LAMP5: variants seen among roughly 807,000 people sequenced by gnomAD.
LAMP5 encodes the protein lysosome associated membrane protein 5, also known as lysosome-associated membrane glycoprotein 5.
In LAMP5, 36 loss-of-function variants were observed where a neutral mutation model predicts 30.2. That is an observed-to-expected ratio of 1.19 (90% CI 0.91 to 1.57). The LOEUF (loss-of-function observed/expected upper bound fraction) is 1.57. Ranked by LOEUF, LAMP5 falls within the 40% of genes most tolerant of loss-of-function variation. LAMP5 has a pLI of 0.00. For synonymous variants in LAMP5, 149 were observed against 134.6 expected (o/e 1.11, Z -0.74); for missense variants, 377 against 354.9 (o/e 1.06, Z -0.50).
At position 9,529,852 on chromosome 20, in the gene LAMP5, T is replaced by G; in HGVS notation, c.*32T>G. 2 of 1,604,230 alleles carry G rather than the reference T, an allele frequency of 1.2e-6. No individual in the cohort carries two copies. The highest frequency in any genetic ancestry group is 1.7e-6 in the Non-Finnish European group (2 of 1,172,160). On this transcript the variant is annotated 3_prime_UTR_variant, in exon 6 of 6. Transcript: ENST00000246070. ...TTAGGCAGGCACCCCCTATTCCTGC[T>G]CCCCCAACTGGATCAGGTAGAACAA...
intron 5 of LAMP5, among the ~76,000 whole-genome samples, chr20:9,523,110 G>A (rs931489410): frequency 6.6e-6 from 1 of 150,578 alleles, no homozygotes; most frequent in Non-Finnish European, 1.5e-5. Flanking sequence ...ACATCTTGAT[G>A]AGGGTATCAG....
rs577633191 is a variant in LAMP5, at chr20:9,514,787, T to A, written c.-66T>A. On this transcript the variant is annotated 5_prime_UTR_variant, in exon 1 of 6. In the 5' UTR this introduces an upstream ATG that the reference lacks. Transcript: ENST00000246070. ...ACCCCGGCCCACTCCAGCGGCGACT[T>A]TGAGGGATTCCCTCTCTGGCGGCCT... 5 of 1,513,282 alleles carry A rather than the reference T, an allele frequency of 3.3e-6. No individual in the cohort carries two copies. In the South Asian group the frequency reaches 4.5e-5, roughly 14 times the overall value. The allele number at this position is 1,513,282 out of a possible 1,614,324, so 93.7% of individuals were successfully genotyped here.
At chr20:9,523,826 T>C (rs2045094390) in intron 5 of LAMP5, among the ~76,000 whole-genome samples, 1 of 152,318 alleles carries the variant, frequency 6.6e-6, no homozygotes, top group Non-Finnish European at 1.5e-5. Context: ...CTGGCGGAAG[T>C]CAGAGGCCTT....
At position 9,526,845 on chromosome 20, in the gene LAMP5, C is replaced by T. The variant is rs868684363; in HGVS notation, c.665-2797C>T. On this transcript the variant is annotated intron_variant, in intron 5 of 5. Transcript: ENST00000246070. ...TATGTGTATTATATAGATACATATA[C>T]ATATGTGTGTGTGTGTATATATATA... 6.9e-3 allele frequency among the ~76,000 whole-genome samples: 585 copies of T among 84,900 alleles called. 3 individuals carry two copies. The highest frequency in any genetic ancestry group is 0.018 in the African/African-American group (464 of 25,678). 55.7% of individuals were successfully genotyped at this position (84,900 alleles called of 152,430 possible). A position where few individuals can be genotyped will look rare whatever the true frequency, so the allele number is the denominator to read the frequency against.
chr20:9,517,288 G>A (rs998545422), intron 4 of LAMP5, among the ~76,000 whole-genome samples: 1 of 152,190 alleles, frequency 6.6e-6, no homozygotes, highest in Admixed American at 6.5e-5. Flanking sequence ...CCTTCAGAGG[G>A]GATGTATGTG....
chr20:9,517,930 G>C, intron 4 of LAMP5, 110 bp from the exon 5 acceptor site: 1 of 889,472 alleles, frequency 1.1e-6, no homozygotes, highest in Non-Finnish European at 1.7e-6. Flanking sequence ...AGGGAACAGA[G>C]AGGACAGGAG....
chr20:9,516,466 C>A, intron 4 of LAMP5, 105 bp downstream of exon 4: 1 of 963,112 alleles, frequency 1.0e-6, no homozygotes, highest in Admixed American at 2.0e-5. Context: ...GCTTTGAGGT[C>A]CCAGGCCAAG....
intron 1 of LAMP5, among the ~76,000 whole-genome samples, 180 bp from the exon 2 acceptor site, chr20:9,515,273 A>G (rs1046681391): frequency 1.3e-5 from 2 of 152,236 alleles, no homozygotes; most frequent in African/African-American, 4.8e-5. Context: ...TTCATTATAA[A>G]TTAACAGCGA....
chr20:9,515,552 C>T lies in LAMP5; in HGVS notation c.164C>T (p.Thr55Met), dbSNP rs762267414. 1.9e-6 allele frequency: 3 copies of T among 1,614,160 alleles called. No homozygotes were observed. Among genetic ancestry groups the T allele is most frequent in the Admixed American group, 1.7e-5 (1 of 60,022 alleles). The stretch of plus-strand genomic sequence containing the variant: ...ATATTTGTGGTGCGGGAAAATGGGA[C>T]GACGTGTCTCATGGCAGAGTTTGCA... ...KDIFVVRENG[T>M]TCLMAEFAAK... The change falls in exon 2 of 6, where the codon ACG becomes ATG. Residue 55 changes from threonine (T) to methionine (M), a missense_variant. Thr to Met is a moderately conservative substitution (Grantham distance 81). Coordinates refer to ENST00000246070, the MANE Select transcript of LAMP5 (RefSeq NM_012261.4).
Position 9,524,544 on chromosome 20 carries a change from G to C in LAMP5, c.665-5098G>C, listed in dbSNP as rs1338453893. Among the ~76,000 whole-genome samples, 4 of 138,504 alleles carry C rather than the reference G, an allele frequency of 2.9e-5. No individual in the cohort carries two copies. In the Admixed American group the frequency reaches 3.1e-4, roughly 11 times the overall value. The allele number at this position is 138,504 out of a possible 152,430, so 90.9% of individuals were successfully genotyped here. ...TGTCTTAAGCCTGAAAGAGAAAAGC[G>C]TGCCCTGCTTTTATGGGTTCATAAT... On this transcript the variant is annotated intron_variant, in intron 5 of 5. Coordinates refer to ENST00000246070, the MANE Select transcript of LAMP5 (RefSeq NM_012261.4).
rs199852679 is a variant in LAMP5 at position 9,515,644 on chromosome 20, C to CG, written c.237+19_237+20insG. On this transcript the variant is annotated intron_variant, in intron 2 of 5. Coordinates refer to ENST00000246070, the MANE Select transcript of LAMP5 (RefSeq NM_012261.4). The stretch of plus-strand genomic sequence containing the variant: ...CGTAGATGTAAGGAATCTTTCCCCC[C>CG]CCTCAGCTTGCTCCTAGGGCTCCAG... 91 of 1,612,014 alleles carry CG rather than the reference C, an allele frequency of 5.6e-5. No individual in the cohort carries two copies. Among genetic ancestry groups the CG allele is most frequent in the Middle Eastern group, 5.0e-4 (3 of 6,042 alleles).
In LAMP5 at chr20:9,518,160, T is replaced by C. The variant is rs2045055523; in HGVS notation, c.596T>C (p.Val199Ala). ...GCCTCTAGTGATCCGCAGAAGACGG[T>C]CACCATGATCCTGTCTGCGGTCCAC... ...SLASSDPQKT[V>A]TMILSAVHIQ... The change falls in exon 5 of 6, where the codon GTC becomes GCC. Residue 199 changes from valine to alanine, a missense_variant. Coordinates refer to ENST00000246070, the MANE Select transcript of LAMP5 (RefSeq NM_012261.4). 1.2e-6 allele frequency: 2 copies of C among 1,614,036 alleles called. No individual in the cohort carries two copies. The highest frequency in any genetic ancestry group is 3.3e-5 in the Admixed American group (2 of 60,004).
intron 5 of LAMP5, among the ~76,000 whole-genome samples, chr20:9,519,029 A>T (rs1275823177): frequency 6.6e-6 from 1 of 152,212 alleles, no homozygotes; most frequent in Non-Finnish European, 1.5e-5. Flanking sequence ...GTTCAGGTCA[A>T]ACACATTCTT....
At chr20:9,528,324 G>A (rs1288881843) in intron 5 of LAMP5, among the ~76,000 whole-genome samples, 6 of 151,582 alleles carry the variant, frequency 4.0e-5, no homozygotes, top group South Asian at 2.1e-4. Context: ...GTGTGTGTGC[G>A]TGTGTGTGTT....
rs148870783 is a variant in LAMP5 at position 9,515,638 on chromosome 20, T to TCC, written c.237+20_237+21dup. 2.0e-3 allele frequency: 3,276 copies of TCC among 1,602,952 alleles called. 4 individuals are homozygous for TCC. The highest frequency in any genetic ancestry group is 4.7e-3 in the African/African-American group (346 of 73,024). Reference sequence around the variant, plus strand: ...CAACTACGTAGATGTAAGGAATCTTTCCCCCCCCTCAGCTTGCTCCTAGGG... The same window carrying TCC: ...CAACTACGTAGATGTAAGGAATCTTTCCCCCCCCCCTCAGCTTGCTCCTAGGG... On this transcript the variant is annotated intron_variant, in intron 2 of 5. Coordinates refer to ENST00000246070, the MANE Select transcript of LAMP5 (RefSeq NM_012261.4).
At chr20:9,517,697 C>G (rs1318044509) in intron 4 of LAMP5, among the ~76,000 whole-genome samples, 1 of 150,802 alleles carries the variant, frequency 6.6e-6, no homozygotes, top group Non-Finnish European at 1.5e-5. Context: ...TGGGCTCAAA[C>G]GATCCTCCCA....
chr20:9,520,065 G>C (rs1364970361), intron 5 of LAMP5, among the ~76,000 whole-genome samples: 1 of 152,172 alleles, frequency 6.6e-6, no homozygotes, highest in African/African-American at 2.4e-5. Context: ...AACCAATTTT[G>C]ATCCACTTAA....
At chr20:9,515,881 G>A in intron 2 of LAMP5, 119 bp from the exon 3 acceptor site, 1 of 1,210,866 alleles carries the variant, frequency 8.3e-7, no homozygotes, top group Non-Finnish European at 1.1e-6. Context: ...CGGAACCTGG[G>A]ATGCGCGCGC....
At chr20:9,526,860 G>A (rs112641045) in intron 5 of LAMP5, among the ~76,000 whole-genome samples, 1,166 of 80,004 alleles carry the variant, frequency 0.015, 5 homozygotes, top group African/African-American at 0.024. Flanking sequence ...GTGTGTGTGT[G>A]TATATATATA....
Sources: gnomAD v4.1 joint callset for allele counts (sites outside exome capture counted in the v4.1 genomes callset) on GRCh38, gnomAD v4.1.1 for gene constraint, MANE v1.5 for transcripts, NCBI Gene and HGNC (gene_info 2026-07-23, HGNC 2026-07-21) for gene names.